Variants in JADE2 observed in about 807,000 individuals in gnomAD.
JADE2 encodes the protein jade family PHD finger 2.
A neutral mutation model predicts 85.7 loss-of-function variants in JADE2; 13 were observed. That is an observed-to-expected ratio of 0.15 (90% CI 0.10 to 0.24). The LOEUF is 0.24. Ranked by LOEUF, JADE2 falls within the 10% of genes least tolerant of loss-of-function variation. JADE2 has a pLI of 1.00. For missense variants in JADE2, 846 were observed against 1,115.9 expected, an observed-to-expected ratio of 0.76 and a Z score of 3.45; for synonymous variants, 440 against 456.1, an observed-to-expected ratio of 0.96 and a Z score of 0.45.
At chr5:134,540,053 G>C (rs750523428) in intron 3 of JADE2, among the ~76,000 whole-genome samples, 3 of 152,142 alleles carry the variant, frequency 2.0e-5, no homozygotes, top group Admixed American at 6.5e-5. Context: ...AGGTGGAGGT[G>C]GGGGTGGGAC....
In JADE2 at chr5:134,579,018, G is replaced by C. The variant is rs1420193977; in HGVS notation, c.2206G>C (p.Asp736His). 4.3e-6 allele frequency: 7 copies of C among 1,613,818 alleles called. No homozygotes were observed. The highest frequency in any genetic ancestry group is 5.9e-6 in the Non-Finnish European group (7 of 1,180,048). Residue 736 changes from aspartate to histidine, a missense_variant, in exon 12 of 12, where the codon GAT becomes CAT. Asp to His is a moderately conservative substitution (Grantham distance 81). Coordinates refer to ENST00000681547, the MANE Select transcript of JADE2 (RefSeq NM_001388185.1). The surrounding 1 kb of genome is among the most constrained non-coding windows in gnomAD (Gnocchi z 4.6). ...GGCAGCCTCAGTAGCTGCTGACTCAGATGTCCAAGTGCCTGGCCCTGCAGC... is the reference window on the plus strand; with the variant it reads ...GGCAGCCTCAGTAGCTGCTGACTCACATGTCCAAGTGCCTGGCCCTGCAGC... ...DEAASVAADS[D>H]VQVPGPAASP...
At chr5:134,542,847 C>T (rs1762053116) in intron 3 of JADE2, among the ~76,000 whole-genome samples, 1 of 152,104 alleles carries the variant, frequency 6.6e-6, no homozygotes, top group Non-Finnish European at 1.5e-5. Context: ...ATTCTCTTGC[C>T]TCAGCCTCCC....
At chr5:134,575,171 T>G (rs1428684953) in intron 10 of JADE2, 1 of 152,334 alleles carries the variant, frequency 6.6e-6, no homozygotes, top group African/African-American at 2.4e-5. Flanking sequence ...GGCAGCTCTT[T>G]GTTCAGGGCA....
At position 134,579,436 on chromosome 5, in the gene JADE2, C is replaced by G. The variant is rs1581497139; in HGVS notation, c.*119C>G. 2.7e-6 allele frequency: 2 copies of G among 749,698 alleles called. No homozygotes were observed. The highest frequency in any genetic ancestry group is 5.9e-5 in the Admixed American group (2 of 34,102). 46.4% of individuals were successfully genotyped at this position (749,698 alleles called of 1,614,324 possible). A position where few individuals can be genotyped will look rare whatever the true frequency, so the allele number is the denominator to read the frequency against. ...CAGACCCTCGAGGCTGCCACTCCGT[C>G]GTGGTTTTATTTTTAATATAGAGAG... On this transcript the variant is annotated 3_prime_UTR_variant, in exon 12 of 12. Coordinates refer to ENST00000681547, the MANE Select transcript of JADE2 (RefSeq NM_001388185.1). The surrounding 1 kb of genome is among the most constrained non-coding windows in gnomAD (Gnocchi z 4.6).
intron 9 of JADE2, among the ~76,000 whole-genome samples, chr5:134,571,661 C>T (rs529241447): frequency 1.3e-5 from 2 of 152,040 alleles, no homozygotes; most frequent in Non-Finnish European, 2.9e-5. Flanking sequence ...TGTGCCACTG[C>T]GCTCCAGCCT....
chr5:134,567,016 C>T lies in JADE2; in HGVS notation c.1434+436C>T, dbSNP rs543231856. On this transcript the variant is annotated intron_variant, in intron 9 of 11. Coordinates refer to ENST00000681547, the MANE Select transcript of JADE2 (RefSeq NM_001388185.1). Reference sequence around the variant, plus strand: ...GAACTGGAGCTTCCCAAGCTGTCCCCGTAACCCATGCTGAAAGCCAGGGGC... The same window carrying T: ...GAACTGGAGCTTCCCAAGCTGTCCCTGTAACCCATGCTGAAAGCCAGGGGC... Among the ~76,000 whole-genome samples, 12 of 152,324 alleles carry T rather than the reference C, an allele frequency of 7.9e-5. No individual in the cohort carries two copies. The South Asian group carries it at 1.7e-3, about 21-fold the overall frequency.
intron 3 of JADE2, among the ~76,000 whole-genome samples, chr5:134,545,191 G>A (rs1762219442): frequency 6.6e-6 from 1 of 152,176 alleles, no homozygotes; most frequent in African/African-American, 2.4e-5. Context: ...GAGCCCTTCC[G>A]CTAGGCTAAG....
chr5:134,528,853 C>T (rs1761049094), intron 1 of JADE2, among the ~76,000 whole-genome samples: 1 of 152,172 alleles, frequency 6.6e-6, no homozygotes, highest in Non-Finnish European at 1.5e-5. Flanking sequence ...GCAAATGTTT[C>T]CAGAATGTTT....
chr5:134,565,737 G>T (rs188623844), intron 8 of JADE2, among the ~76,000 whole-genome samples: 18 of 151,872 alleles, frequency 1.2e-4, no homozygotes, highest in African/African-American at 4.1e-4. Context: ...GGAGGCTGAG[G>T]CAGGAGAATC....
At chr5:134,558,568 C>T (rs569434730) in intron 4 of JADE2, among the ~76,000 whole-genome samples, 76 of 152,336 alleles carry the variant, frequency 5.0e-4, no homozygotes, top group African/African-American at 1.7e-3. Context: ...GACGGAGCTT[C>T]GCTCTTGTTG....
Position 134,579,416 on chromosome 5 carries a change from C to A in JADE2, c.*99C>A. ...CCAGTCTCTGCTGAGTGTCCCAGAC[C>A]CTCGAGGCTGCCACTCCGTCGTGGT... On this transcript the variant is annotated 3_prime_UTR_variant, in exon 12 of 12. Transcript: ENST00000681547. The surrounding 1 kb of genome is among the most constrained non-coding windows in gnomAD (Gnocchi z 4.6). The A allele has an allele frequency of 2.1e-6, 2 of 932,282 alleles. No individual in the cohort carries two copies. Among genetic ancestry groups the A allele is most frequent in the Non-Finnish European group, 3.1e-6 (2 of 639,150 alleles). 57.8% of individuals were successfully genotyped at this position (932,282 alleles called of 1,614,324 possible).
In JADE2 at chr5:134,566,170, G is replaced by A. The variant is rs199507007; in HGVS notation, c.1024G>A (p.Gly342Ser). 29 of 1,613,996 alleles carry A rather than the reference G, an allele frequency of 1.8e-5. No individual in the cohort carries two copies. Among genetic ancestry groups the A allele is most frequent in the African/African-American group, 2.7e-5 (2 of 74,988 alleles). The change falls in exon 9 of 12, where the codon GGC becomes AGC. Residue 342 changes from glycine (G) to serine (S), a missense_variant. By Grantham distance (56) the Gly-to-Ser change is moderately conservative. Around this residue, in one of 9 missense-constraint regions of JADE2, gnomAD observed 129 missense variants for 255.4 expected, o/e 0.51. Transcript: ENST00000681547. This position sits in a 1 kb window ranked among gnomAD's most constrained non-coding sequence, Gnocchi z 6.7. ...AFHVTCAFDH[G>S]LEMRTILADN... is the part of the protein sequence containing the mutation. Reference sequence around the variant, plus strand: ...CCATGTCACATGCGCCTTTGACCACGGCCTGGAAATGCGGACTATATTAGC... The same window carrying A: ...CCATGTCACATGCGCCTTTGACCACAGCCTGGAAATGCGGACTATATTAGC...
chr5:134,579,318 C>T lies in JADE2; in HGVS notation c.*1C>T. ...CCGCATGGGCGTACTGGCCTCCTAA[C>T]TCACCCCCTTCCCTGTCCCAGGCCC... On this transcript the variant is annotated 3_prime_UTR_variant, in exon 12 of 12. Transcript: ENST00000681547. This position sits in a 1 kb window ranked among gnomAD's most constrained non-coding sequence, Gnocchi z 4.6. 1 of 1,585,492 alleles carries T rather than the reference C, an allele frequency of 6.3e-7. No homozygotes were observed. Among genetic ancestry groups the T allele is most frequent in the Non-Finnish European group, 8.6e-7 (1 of 1,166,208 alleles).
Position 134,525,905 on chromosome 5 carries a change from G to A in JADE2, c.-107G>A. ...ATGGATGCGCGCCCCCCGCCCTCCCGCGCCGGCCCCAGGAGCTCCCGGCTT... is the reference window on the plus strand; with the variant it reads ...ATGGATGCGCGCCCCCCGCCCTCCCACGCCGGCCCCAGGAGCTCCCGGCTT... On this transcript the variant is annotated 5_prime_UTR_variant, in exon 1 of 12. Transcript: ENST00000681547. The A allele has an allele frequency of 1.0e-6, 1 of 985,720 alleles. No homozygotes were observed. Among genetic ancestry groups the A allele is most frequent in the South Asian group, 4.7e-5 (1 of 21,310 alleles). 61.1% of individuals were successfully genotyped at this position (985,720 alleles called of 1,614,324 possible). A position where few individuals can be genotyped will look rare whatever the true frequency, so the allele number is the denominator to read the frequency against.
chr5:134,580,305 C>T lies in JADE2; in HGVS notation c.*988C>T, dbSNP rs955848202. 2 of 152,694 alleles carry T rather than the reference C, an allele frequency of 1.3e-5. No individual in the cohort carries two copies. Among genetic ancestry groups the T allele is most frequent in the Non-Finnish European group, 2.9e-5 (2 of 68,150 alleles). The allele number at this position is 152,694 out of a possible 1,614,324, so 9.5% of individuals were successfully genotyped here. ...CTTCCGTGGTTTCCTTTTGGAAACT[C>T]CTCCTTCCAACAAGCAGTGGGATCC... On this transcript the variant is annotated 3_prime_UTR_variant, in exon 12 of 12. Transcript: ENST00000681547.
At position 134,538,047 on chromosome 5, in the gene JADE2, G is replaced by C. The variant is rs115719583; in HGVS notation, c.117G>C (p.Ser39=). The C allele has an allele frequency of 1.9e-6, 3 of 1,613,978 alleles. No homozygotes were observed. Among genetic ancestry groups the C allele is most frequent in the Admixed American group, 1.7e-5 (1 of 59,992 alleles). ...CCAAACTGCCCAGCAGCACCAAGTC[G>C]GGCTGGCCCCGACAGAACGAAAAGA... The part of the protein sequence containing the change: ...RCSKLPSSTK[S]GWPRQNEKKP... The change falls in exon 3 of 12, where the codon TCG becomes TCC. Residue 39 remains serine, a synonymous_variant. Transcript: ENST00000681547.
intron 1 of JADE2, among the ~76,000 whole-genome samples, chr5:134,531,617 CTG>C (rs1761241650): frequency 6.6e-6 from 1 of 151,700 alleles, no homozygotes; most frequent in Non-Finnish European, 1.5e-5. Flanking sequence ...GAGTCCCACT[CTG>C]TTGTCCAGGC....
At position 134,579,403 on chromosome 5, in the gene JADE2, G is replaced by C. The variant is rs1764591676; in HGVS notation, c.*86G>C. 2.8e-6 allele frequency: 3 copies of C among 1,088,040 alleles called. No individual in the cohort carries two copies. The East Asian group carries it at 7.8e-5, about 28-fold the overall frequency. The allele number at this position is 1,088,040 out of a possible 1,614,324, so 67.4% of individuals were successfully genotyped here. ...ACAACTGCCATTTCCAGTCTCTGCT[G>C]AGTGTCCCAGACCCTCGAGGCTGCC... On this transcript the variant is annotated 3_prime_UTR_variant, in exon 12 of 12. Coordinates refer to ENST00000681547, the MANE Select transcript of JADE2 (RefSeq NM_001388185.1). This position sits in a 1 kb window ranked among gnomAD's most constrained non-coding sequence, Gnocchi z 4.6.
intron 3 of JADE2, among the ~76,000 whole-genome samples, chr5:134,542,377 A>G (rs1581412445): frequency 7.3e-6 from 1 of 136,694 alleles, no homozygotes; most frequent in South Asian, 2.4e-4. Context: ...TTTTAATACC[A>G]CCCCACCCCA....
Sources: allele counts gnomAD v4.1 joint callset (sites outside exome capture counted in the v4.1 genomes callset), GRCh38; gene constraint gnomAD v4.1.1; regional missense constraint gnomAD v4.1.1; non-coding constraint Gnocchi (gnomAD v3.1); transcripts MANE v1.5; gene names NCBI Gene and HGNC (gene_info 2026-07-23, HGNC 2026-07-21).